Variants in PCDHA5 observed in about 807,000 individuals in gnomAD.
The protein encoded by PCDHA5 is protocadherin alpha-5.
A neutral mutation model predicts 61.6 loss-of-function variants in PCDHA5; 43 were observed. The observed-to-expected ratio is 0.70, with a 90% CI of 0.55 to 0.90. The LOEUF is 0.90. Ranked by LOEUF, PCDHA5 falls within the 40% of genes least tolerant of loss-of-function variation. The pLI is 0.00. For missense variants in PCDHA5, 1,298 were observed against 1,222.7 expected (o/e 1.06, Z -0.92); for synonymous variants, 627 against 543.9 (o/e 1.15, Z -2.13).
intron 3 of PCDHA5, among the ~76,000 whole-genome samples, chr5:140,983,886 T>C (rs1280409622): frequency 1.3e-5 from 2 of 152,206 alleles, no homozygotes; most frequent in Non-Finnish European, 2.9e-5. Flanking sequence ...CTGGCAACTT[T>C]AAGGGCATTC....
At chr5:141,000,361 GTCTC>G (rs148596731) in intron 3 of PCDHA5, among the ~76,000 whole-genome samples, 1,917 of 26,274 alleles carry the variant, frequency 0.073, 118 homozygotes, top group African/African-American at 0.11. Flanking sequence ...GTCTCTCTCT[GTCTC>G]TCTCTCTCTC....
chr5:140,823,006 G>T lies in PCDHA5; in HGVS notation c.1231G>T (p.Ala411Ser), dbSNP rs2150121207. ...TTACTACTCGTTGGTGCTGGACAGC[G>T]CCCTGGACCGCGAGAGCGTGTCGGT... ...KNYYSLVLDSALDRESVSVYE... is the reference protein window; with the variant it reads ...KNYYSLVLDSSLDRESVSVYE... The change falls in exon 1 of 4, where the codon GCC becomes TCC. Residue 411 changes from alanine (A) to serine (S), a missense_variant. Ala to Ser is a moderately conservative substitution (Grantham distance 99). Coordinates refer to ENST00000529859, the MANE Select transcript of PCDHA5 (RefSeq NM_018908.3). The T allele has an allele frequency of 5.0e-6, 8 of 1,614,228 alleles. No homozygotes were observed. The highest frequency in any genetic ancestry group is 6.8e-6 in the Non-Finnish European group (8 of 1,180,056).
At chr5:140,964,425 A>C (rs1440321322) in intron 1 of PCDHA5, among the ~76,000 whole-genome samples, 1 of 152,178 alleles carries the variant, frequency 6.6e-6, no homozygotes, top group East Asian at 1.9e-4. Context: ...TCCATTAAAA[A>C]ATTACCAAGC....
chr5:140,862,466 CA>C, intron 1 of PCDHA5: 1 of 371,398 alleles, frequency 2.7e-6, no homozygotes. Context: ...ACCAAGAGAG[CA>C]AATCTATCCA....
intron 1 of PCDHA5, chr5:140,871,252 T>A (rs782280300): frequency 2.5e-6 from 4 of 1,613,990 alleles, no homozygotes; most frequent in Non-Finnish European, 1.7e-6. Context: ...GCTGCTGCTG[T>A]ATACGGCGCT....
At chr5:140,916,825 C>T (rs2077750975) in intron 1 of PCDHA5, among the ~76,000 whole-genome samples, 1 of 152,144 alleles carries the variant, frequency 6.6e-6, no homozygotes, top group Non-Finnish European at 1.5e-5. Context: ...CCACCCCTAT[C>T]CCTCTGGTTC....
intron 1 of PCDHA5, among the ~76,000 whole-genome samples, chr5:140,932,387 T>C (rs1419863335): frequency 6.6e-6 from 1 of 151,960 alleles, no homozygotes; most frequent in Non-Finnish European, 1.5e-5. Context: ...AAGTTATACA[T>C]AGTTTCAACA....
At chr5:140,832,788 A>C (rs1330713880) in intron 1 of PCDHA5, among the ~76,000 whole-genome samples, 1 of 152,194 alleles carries the variant, frequency 6.6e-6, no homozygotes, top group Non-Finnish European at 1.5e-5. Context: ...AGAAAGGTAC[A>C]TCATAGTGTT....
intron 1 of PCDHA5, among the ~76,000 whole-genome samples, chr5:140,838,073 ATATAGTGTGTGTGT>A (rs1473657984): frequency 0.018 from 2,264 of 126,808 alleles, 40 homozygotes; most frequent in Admixed American, 0.045. Context: ...AGTTATATAT[ATATAGTGTGTGTGT>A]GTGTGTGTGT....
At chr5:140,965,318 C>T (rs1397101710) in intron 1 of PCDHA5, among the ~76,000 whole-genome samples, 1 of 152,104 alleles carries the variant, frequency 6.6e-6, no homozygotes, top group Non-Finnish European at 1.5e-5. Flanking sequence ...TTCTCTTTTA[C>T]TGAAGTGAAT....
chr5:140,918,549 T>C (rs1313720970), intron 1 of PCDHA5, among the ~76,000 whole-genome samples: 3 of 152,222 alleles, frequency 2.0e-5, no homozygotes, highest in Non-Finnish European at 2.9e-5. Flanking sequence ...CCATGTGCAA[T>C]TGAGAAGAAT....
chr5:140,856,141 C>T (rs782290263), intron 1 of PCDHA5: 3 of 1,598,260 alleles, frequency 1.9e-6, no homozygotes, highest in Middle Eastern at 1.7e-4. Context: ...GCCAGCTCCA[C>T]TACTCAGTCT....
intron 1 of PCDHA5, chr5:140,877,824 A>G (rs1554170141): frequency 1.9e-6 from 3 of 1,602,118 alleles, no homozygotes; most frequent in Non-Finnish European, 2.6e-6. Flanking sequence ...AAGATTGTTT[A>G]AATCCTCCCA....
intron 1 of PCDHA5, chr5:140,850,329 C>T: frequency 6.3e-7 from 1 of 1,597,650 alleles, no homozygotes; most frequent in Non-Finnish European, 8.6e-7. Context: ...ATACGAGCTG[C>T]AGCCAGAAAC....
intron 1 of PCDHA5, chr5:140,869,778 C>G (rs782226363): frequency 6.2e-7 from 1 of 1,612,924 alleles, no homozygotes. Flanking sequence ...TTACTGGCAC[C>G]GTTCGGCTGT....
rs181226204 is a variant in PCDHA5 at position 140,840,969 on chromosome 5, A to C, written c.2352+16842A>C. On this transcript the variant is annotated intron_variant, in intron 1 of 3. Transcript: ENST00000529859. ...TTGGGAAGAAATTCCTTTCCTTATG[A>C]AGAAGAAATCCCTAGCTGAAACTAA... 5.9e-5 allele frequency among the ~76,000 whole-genome samples: 9 copies of C among 152,188 alleles called. No individual in the cohort carries two copies. The East Asian group carries it at 1.7e-3, about 29-fold the overall frequency.
Position 140,836,160 on chromosome 5 carries a change from A to G in PCDHA5, c.2352+12033A>G, listed in dbSNP as rs1774254627. On this transcript the variant is annotated intron_variant, in intron 1 of 3. Transcript: ENST00000529859. ...TGTGGGCGCGGGCCATGTGGTGGCG[A>G]AGGTACGTGCAGTTGACGCTGACTC... 6.2e-7 allele frequency: 1 copy of G among 1,613,780 alleles called. No homozygotes were observed. The highest frequency in any genetic ancestry group is 1.7e-5 in the Admixed American group (1 of 60,020).
At chr5:140,900,807 A>G (rs868976984) in intron 1 of PCDHA5, among the ~76,000 whole-genome samples, 1 of 152,176 alleles carries the variant, frequency 6.6e-6, no homozygotes, top group South Asian at 2.1e-4. Flanking sequence ...TAGTGCTTGT[A>G]CTAATTTACA....
At chr5:140,856,678 G>A in intron 1 of PCDHA5, 5 of 1,597,744 alleles carry the variant, frequency 3.1e-6, no homozygotes, top group Non-Finnish European at 4.3e-6. Flanking sequence ...TAAAGTTGTT[G>A]TTGACAGCAA....
Sources: allele counts gnomAD v4.1 joint callset (sites outside exome capture counted in the v4.1 genomes callset), GRCh38; gene constraint gnomAD v4.1.1; transcripts MANE v1.5; gene names NCBI Gene and HGNC (gene_info 2026-07-23, HGNC 2026-07-21).